DMXL1: variants seen among roughly 807,000 people sequenced by gnomAD.
The protein encoded by DMXL1 is dmX-like protein 1.
In DMXL1, 99 loss-of-function variants were observed where a neutral mutation model predicts 319.2. That is an observed-to-expected ratio of 0.31 (90% CI 0.26 to 0.37). The LOEUF is 0.37. Among genes scored for constraint, DMXL1 ranks in the 10% least tolerant of loss-of-function variants. The pLI is 1.00. For missense variants in DMXL1, 3,745 were observed against 3,595.6 expected (o/e 1.04, Z -1.06); for synonymous variants, 1,385 against 1,235.2 (o/e 1.12, Z -2.54).
intron 35 of DMXL1, among the ~76,000 whole-genome samples, chr5:119,220,270 T>C (rs957165859): frequency 1.3e-5 from 2 of 152,182 alleles, no homozygotes; most frequent in Admixed American, 1.3e-4. Context: ...TATACTGGCT[T>C]TCTATTGGAT....
chr5:119,194,072 T>C (rs1779174112), intron 30 of DMXL1, 102 bp downstream of exon 30: 1 of 745,088 alleles, frequency 1.3e-6, no homozygotes, highest in African/African-American at 1.8e-5. Context: ...GTTGACTTTA[T>C]AACACATTAT....
chr5:119,224,754 C>A lies in DMXL1; in HGVS notation c.8323C>A (p.Pro2775Thr). Residue 2775 changes from proline to threonine, a missense_variant, in exon 38 of 44, where the codon CCA (proline) becomes ACA (threonine). Around this residue, in one of 4 missense-constraint regions of DMXL1, gnomAD observed 1,382 missense variants for 1,269.5 expected, o/e 1.09. Transcript: ENST00000539542. ...INNVRRMTSH[P>T]TLPYYLTGAQ... Reference sequence around the variant, plus strand: ...TAATGTTAGAAGAATGACTTCTCATCCAACTCTTCCTTACTGTAAGTTGAA... The same window carrying A: ...TAATGTTAGAAGAATGACTTCTCATACAACTCTTCCTTACTGTAAGTTGAA... The A allele has an allele frequency of 7.7e-7, 1 of 1,305,128 alleles. No homozygotes were observed. The highest frequency in any genetic ancestry group is 1.0e-6 in the Non-Finnish European group (1 of 980,102). The allele number at this position is 1,305,128 out of a possible 1,614,324, so 80.8% of individuals were successfully genotyped here.
intron 4 of DMXL1, among the ~76,000 whole-genome samples, chr5:119,105,518 C>A (rs1363486852): frequency 6.6e-6 from 1 of 152,146 alleles, no homozygotes; most frequent in African/African-American, 2.4e-5. Context: ...ATTAACGTTT[C>A]ATTGAAAAGG....
intron 29 of DMXL1, among the ~76,000 whole-genome samples, chr5:119,192,578 A>C (rs932650946): frequency 6.6e-6 from 1 of 152,166 alleles, no homozygotes; most frequent in African/African-American, 2.4e-5. Context: ...TCTTGTTGAG[A>C]TTCACGTGAT....
chr5:119,171,276 A>T lies in DMXL1; in HGVS notation c.6485A>T (p.Gln2162Leu). ...MELILLLQES[Q>L]QETSEPLFSS... ...TTGATTTTGCTTTTGCAAGAATCTCAGCAGGTATGTAATTTACTTGATAGT... is the reference window on the plus strand; with the variant it reads ...TTGATTTTGCTTTTGCAAGAATCTCTGCAGGTATGTAATTTACTTGATAGT... The change falls in exon 24 of 44, where the codon CAG (glutamine) becomes CTG (leucine). Residue 2162 changes from glutamine (Q) to leucine (L), a missense_variant. By Grantham distance (113) the Gln-to-Leu change is moderately radical. Transcript: ENST00000539542. 2 of 1,590,844 alleles carry T rather than the reference A, an allele frequency of 1.3e-6. No homozygotes were observed. The highest frequency in any genetic ancestry group is 1.1e-5 in the South Asian group (1 of 87,486).
chr5:119,101,341 C>T (rs993998680), intron 2 of DMXL1, among the ~76,000 whole-genome samples: 1 of 152,040 alleles, frequency 6.6e-6, no homozygotes, highest in Admixed American at 6.6e-5. Context: ...CATTTAATCT[C>T]TCTCTCTGTT....
intron 7 of DMXL1, among the ~76,000 whole-genome samples, chr5:119,117,212 C>T (rs962181513): frequency 1.3e-5 from 2 of 151,716 alleles, no homozygotes; most frequent in Non-Finnish European, 1.5e-5. Flanking sequence ...TTTTTCTTTT[C>T]GGATTTTTTG....
At chr5:119,114,398 ATTTATAAT>A (rs2149878178) in intron 5 of DMXL1, 69 bp from the exon 6 acceptor site, 1 of 1,048,314 alleles carries the variant, frequency 9.5e-7, no homozygotes, top group South Asian at 1.4e-5. Flanking sequence ...CCAATTGCTG[ATTTATAAT>A]TTTGAGAATA....
chr5:119,244,755 A>G (rs888847641), intron 43 of DMXL1, among the ~76,000 whole-genome samples, 179 bp downstream of exon 43: 7 of 152,130 alleles, frequency 4.6e-5, no homozygotes, highest in African/African-American at 7.2e-5. Flanking sequence ...AAAATTTTCT[A>G]TTTTTCAGTT....
At chr5:119,141,196 A>G (rs1580974021) in intron 13 of DMXL1, among the ~76,000 whole-genome samples, 1 of 152,182 alleles carries the variant, frequency 6.6e-6, no homozygotes. Flanking sequence ...AACTGACACA[A>G]GGAAAGGATG....
intron 42 of DMXL1, 126 bp downstream of exon 42, chr5:119,240,597 G>A: frequency 2.9e-6 from 2 of 688,582 alleles, no homozygotes; most frequent in African/African-American, 1.8e-5. Context: ...TTTTGCCCAG[G>A]ATGGCAGGAT....
intron 28 of DMXL1, chr5:119,178,741 G>C (rs1448111972): frequency 2.6e-6 from 2 of 776,082 alleles, no homozygotes; most frequent in African/African-American, 3.8e-5. Context: ...GCTTTGTGTT[G>C]TTTTGAGGGG....
intron 4 of DMXL1, among the ~76,000 whole-genome samples, chr5:119,105,633 C>T (rs1007907411): frequency 1.3e-5 from 2 of 152,114 alleles, no homozygotes; most frequent in Admixed American, 6.6e-5. Context: ...TGGTGGCTCA[C>T]GCCTGTATTC....
At chr5:119,204,559 T>G (rs1220115845) in intron 33 of DMXL1, among the ~76,000 whole-genome samples, 3 of 124,794 alleles carry the variant, frequency 2.4e-5, no homozygotes, top group East Asian at 2.0e-4. Flanking sequence ...TCATAATGGG[T>G]TTTTTTTTTT....
chr5:119,121,942 C>G (rs1357291435), intron 9 of DMXL1, among the ~76,000 whole-genome samples: 1 of 124,914 alleles, frequency 8.0e-6, no homozygotes. Flanking sequence ...CCGGACGGGG[C>G]GGCTGGCCGG....
chr5:119,214,977 A>G (rs927101746), intron 34 of DMXL1, among the ~76,000 whole-genome samples: 21 of 152,160 alleles, frequency 1.4e-4, no homozygotes, highest in Non-Finnish European at 7.3e-5. Flanking sequence ...AAGAATGAAC[A>G]TTTAGTATAC....
intron 9 of DMXL1, chr5:119,128,323 T>G: frequency 7.0e-6 from 2 of 286,102 alleles, no homozygotes; most frequent in Non-Finnish European, 6.9e-6. Context: ...CTTCACTGAT[T>G]TTCTGGATAT....
intron 37 of DMXL1, among the ~76,000 whole-genome samples, chr5:119,224,208 C>G (rs542362699): frequency 6.6e-6 from 1 of 152,048 alleles, no homozygotes; most frequent in East Asian, 1.9e-4. Context: ...AGTTATGATG[C>G]TATATAAATT....
At chr5:119,177,123 T>G (rs1472439849) in intron 26 of DMXL1, among the ~76,000 whole-genome samples, 1 of 152,126 alleles carries the variant, frequency 6.6e-6, no homozygotes, top group African/African-American at 2.4e-5. Flanking sequence ...AGCGATTTAG[T>G]TTTCTCATTT....
Sources: allele counts gnomAD v4.1 joint callset (sites outside exome capture counted in the v4.1 genomes callset), GRCh38; gene constraint gnomAD v4.1.1; regional missense constraint gnomAD v4.1.1; transcripts MANE v1.5; gene names NCBI Gene and HGNC (gene_info 2026-07-23, HGNC 2026-07-21).